RYR1: variants seen among roughly 807,000 people sequenced by gnomAD.
RYR1 encodes the protein central core disease of muscle.
In RYR1, 342 loss-of-function variants were observed where a neutral mutation model predicts 583.5. The observed-to-expected ratio is 0.59, with a 90% CI of 0.54 to 0.64. RYR1 has a LOEUF of 0.64. Among genes scored for constraint, RYR1 ranks in the 30% least tolerant of loss-of-function variants. The pLI is 0.00. For missense variants in RYR1, 6,032 were observed against 6,917.2 expected (o/e 0.87, Z 4.54); for synonymous variants, 2,791 against 2,822.5 (o/e 0.99, Z 0.35).
chr19:38,466,597 G>A (rs1370880442), intron 24 of RYR1, among the ~76,000 whole-genome samples, 199 bp downstream of exon 24: 1 of 151,694 alleles, frequency 6.6e-6, no homozygotes, highest in Non-Finnish European at 1.5e-5. Context: ...CACCTCCTGG[G>A]TTCACACCAT....
At chr19:38,585,375 T>G (rs1974431014) in intron 102 of RYR1, among the ~76,000 whole-genome samples, 1 of 147,592 alleles carries the variant, frequency 6.8e-6, no homozygotes, top group African/African-American at 2.5e-5. Flanking sequence ...CTGAGATATA[T>G]ATATATATAT....
Position 38,517,671 on chromosome 19 carries a change from C to T in RYR1, c.9998C>T (p.Ser3333Phe). 2.5e-6 allele frequency: 4 copies of T among 1,614,208 alleles called. No homozygotes were observed. Among genetic ancestry groups the T allele is most frequent in the Non-Finnish European group, 3.4e-6 (4 of 1,180,030 alleles). ...AACAACCTGGGCATTGACGAGGCCT[C>T]CTGGATGAAGCGGCTGGCTGGTGGG... ...IVNNLGIDEA[S>F]WMKRLAVFAQ... The change falls in exon 66 of 106, where the codon TCC becomes TTC. Residue 3333 changes from serine to phenylalanine, a missense_variant. Coordinates refer to ENST00000359596, the MANE Select transcript of RYR1 (RefSeq NM_000540.3).
Position 38,568,446 on chromosome 19 carries a change from G to A in RYR1, c.13659+529G>A, listed in dbSNP as rs1599642123. On this transcript the variant is annotated intron_variant, in intron 93 of 105. Coordinates refer to ENST00000359596, the MANE Select transcript of RYR1 (RefSeq NM_000540.3). ...TCCAGGCCTGGCCCGATAGGAGGGG[G>A]TGAGGGAGGCTGGGCACGGTGGGTC... 2.0e-5 allele frequency among the ~76,000 whole-genome samples: 3 copies of A among 152,130 alleles called. No individual in the cohort carries two copies. The East Asian group carries it at 5.8e-4, about 30-fold the overall frequency.
chr19:38,438,616 C>T (rs375605698), intron 1 of RYR1, among the ~76,000 whole-genome samples: 64 of 93,950 alleles, frequency 6.8e-4, no homozygotes, highest in East Asian at 1.9e-3. Flanking sequence ...CCAGGCTAGT[C>T]TTTTTTTTTT....
At chr19:38,524,384 C>G (rs963818057) in intron 70 of RYR1, among the ~76,000 whole-genome samples, 1 of 151,946 alleles carries the variant, frequency 6.6e-6, no homozygotes, top group Non-Finnish European at 1.5e-5. Context: ...GATAGTTAGC[C>G]GTGTGACCTT....
At chr19:38,495,964 T>C (rs1969800714) in intron 39 of RYR1, among the ~76,000 whole-genome samples, 1 of 152,118 alleles carries the variant, frequency 6.6e-6, no homozygotes, top group Non-Finnish European at 1.5e-5. Context: ...GGTTTCACCA[T>C]GTTGGCCAGG....
At chr19:38,502,805 AGGGG>A in intron 48 of RYR1, 71 bp from the exon 49 acceptor site, 3 of 472,720 alleles carry the variant, frequency 6.3e-6, no homozygotes, top group South Asian at 2.3e-5. Context: ...GGGCAGGGGC[AGGGG>A]GAGGAGCAGG....
rs977898488 is a variant in RYR1, at chr19:38,568,021, T to C, written c.13659+104T>C. ...TGTTCTTGAGTTCATCTGTTCAAGC[T>C]CGTCTCTAAGAAGAACCCTAGCTGG... On this transcript the variant is annotated intron_variant, in intron 93 of 105. Coordinates refer to ENST00000359596, the MANE Select transcript of RYR1 (RefSeq NM_000540.3). The C allele has an allele frequency of 6.5e-6, 9 of 1,375,368 alleles. No individual in the cohort carries two copies. The Admixed American group carries it at 7.7e-5, about 12-fold the overall frequency. The allele number at this position is 1,375,368 out of a possible 1,614,324, so 85.2% of individuals were successfully genotyped here.
intron 57 of RYR1, 47 bp downstream of exon 57, chr19:38,506,999 C>A (rs369279702): frequency 6.2e-7 from 1 of 1,611,250 alleles, no homozygotes; most frequent in Non-Finnish European, 8.5e-7. Flanking sequence ...CAGAACACAC[C>A]CGGCAAAGGC....
At chr19:38,555,464 A>T (rs1472015499) in intron 89 of RYR1, among the ~76,000 whole-genome samples, 1 of 151,636 alleles carries the variant, frequency 6.6e-6, no homozygotes, top group African/African-American at 2.4e-5. Context: ...AAAAAAAAAA[A>T]ATGCATGTGT....
At chr19:38,510,326 G>A (rs1831104754) in intron 58 of RYR1, among the ~76,000 whole-genome samples, 172 bp from the exon 59 acceptor site, 1 of 152,052 alleles carries the variant, frequency 6.6e-6, no homozygotes, top group Non-Finnish European at 1.5e-5. Context: ...GGAGTTGGGG[G>A]AATCAGATGA....
intron 49 of RYR1, among the ~76,000 whole-genome samples, chr19:38,503,211 G>C (rs1970281702): frequency 6.6e-6 from 1 of 152,156 alleles, no homozygotes; most frequent in Non-Finnish European, 1.5e-5. Context: ...TTGCTTAACA[G>C]TGAGCCAGCC....
rs886038324 is a variant in RYR1, at chr19:38,455,376, G to A, written c.1576+6G>A. On this transcript the variant is annotated splice_donor_region_variant and intron_variant, in intron 14 of 105. Coordinates refer to ENST00000359596, the MANE Select transcript of RYR1 (RefSeq NM_000540.3). ...TCTTCTCTATGAACTCCTAGGTAGG[G>A]GTCCCAGTCCTGACTCCCCTGAGAA... The A allele has an allele frequency of 3.1e-6, 5 of 1,613,914 alleles. No homozygotes were observed. The highest frequency in any genetic ancestry group is 3.4e-6 in the Non-Finnish European group (4 of 1,180,010).
At chr19:38,502,842 T>A in intron 48 of RYR1, 38 bp from the exon 49 acceptor site, 2 of 1,584,898 alleles carry the variant, frequency 1.3e-6, no homozygotes, top group Non-Finnish European at 1.7e-6. Context: ...AGAGCGGGCC[T>A]GGACGGGGGA....
Position 38,527,781 on chromosome 19 carries a change from C to T in RYR1, c.10821C>T (p.Asp3607=). The T allele has an allele frequency of 1.2e-6, 2 of 1,613,762 alleles. No individual in the cohort carries two copies. Among genetic ancestry groups the T allele is most frequent in the Non-Finnish European group, 1.7e-6 (2 of 1,179,960 alleles). Residue 3607 remains aspartate (D), a synonymous_variant, in exon 73 of 106, where the codon GAC becomes GAT. Transcript: ENST00000359596. ...QEVSAVLYYL[D]QTEHPYKSKK... is the part of the protein sequence containing the mutation. ...TGTCAGCCGTGCTCTACTACCTGGA[C>T]CAGGTGGGTGGGGCCGGAGGGGTCT...
intron 101 of RYR1, among the ~76,000 whole-genome samples, chr19:38,583,035 G>A (rs946013688): frequency 3.9e-5 from 6 of 152,218 alleles, no homozygotes; most frequent in South Asian, 2.1e-4. Flanking sequence ...TGTGGCTCAC[G>A]CTTTTAATCC....
In RYR1 at chr19:38,504,383, A is replaced by G. The variant is rs1035104476; in HGVS notation, c.8067+23A>G. 7 of 1,611,764 alleles carry G rather than the reference A, an allele frequency of 4.3e-6. No homozygotes were observed. In the African/African-American group the frequency reaches 6.7e-5, roughly 15 times the overall value. ...AAGGTCTGGGCAGCAGGGAGCCCCA[A>G]AATGGCCTATGTGGAGGGTTTGGGG... is the stretch of plus-strand genomic sequence containing the variant. On this transcript the variant is annotated intron_variant, in intron 50 of 105. Transcript: ENST00000359596.
chr19:38,572,676 T>C (rs1599650307), intron 95 of RYR1, among the ~76,000 whole-genome samples: 1 of 151,968 alleles, frequency 6.6e-6, no homozygotes, highest in East Asian at 1.9e-4. Flanking sequence ...CTCCCTCCCT[T>C]GGGAAGCCCC....
chr19:38,572,233 T>C lies in RYR1; in HGVS notation c.13961T>C (p.Val4654Ala). 1 of 1,603,172 alleles carries C rather than the reference T, an allele frequency of 6.2e-7. No homozygotes were observed. Among genetic ancestry groups the C allele is most frequent in the Non-Finnish European group, 8.5e-7 (1 of 1,174,472 alleles). ...LRCLSLLHTL[V>A]AFLCIIGYNC... ...TGTCTGAGCCTCCTGCATACACTGG[T>C]GGCCTTTCTCTGCATCATTGGCTAT... The change falls in exon 95 of 106, where the codon GTG becomes GCG. Residue 4654 changes from valine (V) to alanine (A), a missense_variant. Physicochemically the swap from Val to Ala is moderately conservative, Grantham distance 64. Around this residue, in one of 11 missense-constraint regions of RYR1, gnomAD observed 188 missense variants for 215.6 expected, o/e 0.87. Coordinates refer to ENST00000359596, the MANE Select transcript of RYR1 (RefSeq NM_000540.3).
Sources: allele counts gnomAD v4.1 joint callset (sites outside exome capture counted in the v4.1 genomes callset), GRCh38; gene constraint gnomAD v4.1.1; regional missense constraint gnomAD v4.1.1; transcripts MANE v1.5; gene names NCBI Gene and HGNC (gene_info 2026-07-23, HGNC 2026-07-21).